ANO6: variants seen among roughly 807,000 people sequenced by gnomAD.
The protein encoded by ANO6 is anoctamin-6.
A neutral mutation model predicts 117.5 loss-of-function variants in ANO6; 106 were observed. The observed-to-expected ratio is 0.90, with a 90% CI of 0.77 to 1.06. ANO6 has a LOEUF of 1.06. ANO6 is among the 50% of genes least tolerant of loss of function. The probability of loss-of-function intolerance (pLI) is 0.00; values close to 1 mark genes in which losing one functional copy is unlikely to be tolerated. For missense variants in ANO6, 955 were observed against 1,121.1 expected (o/e 0.85, Z 2.12); for synonymous variants, 367 against 385.1 (o/e 0.95, Z 0.55).
chr12:45,331,401 AG>A lies in ANO6; in HGVS notation c.260del (p.Gly87ValfsTer24). 1.2e-6 allele frequency: 2 copies of A among 1,606,508 alleles called. No individual in the cohort carries two copies. Among genetic ancestry groups the A allele is most frequent in the Non-Finnish European group, 1.7e-6 (2 of 1,176,096 alleles). On this transcript the variant is annotated frameshift_variant, in exon 3 of 20. Coordinates refer to ENST00000320560, the MANE Select transcript of ANO6 (RefSeq NM_001025356.3). LOFTEE classifies it high-confidence loss of function. ...GAAAGCAGAAAAGAGACCAATAAAA[AG>A]GGTACAAATGAAAAACAAAGGGTAA... ...EDESRKETNKKGTNEKQRRKR... is the reference protein window; with the variant it reads ...EDESRKETNKXGTNEKQRRKR...
At chr12:45,250,231 T>G (rs907122993) in intron 1 of ANO6, among the ~76,000 whole-genome samples, 2 of 152,182 alleles carry the variant, frequency 1.3e-5, no homozygotes, top group Non-Finnish European at 2.9e-5. Flanking sequence ...GAGGTGACAT[T>G]TCAGACAGGT....
intron 19 of ANO6, among the ~76,000 whole-genome samples, chr12:45,437,828 C>A (rs1467471456): frequency 2.0e-5 from 3 of 152,126 alleles, no homozygotes; most frequent in African/African-American, 7.2e-5. Flanking sequence ...CCTTGCCTCC[C>A]AAAGTGTTAG....
intron 17 of ANO6, among the ~76,000 whole-genome samples, chr12:45,417,724 C>T (rs1355594435): frequency 2.0e-5 from 3 of 152,192 alleles, no homozygotes; most frequent in Admixed American, 6.5e-5. Flanking sequence ...CAGTCTCACT[C>T]CCAGGTGAAC....
rs560829764 is a variant in ANO6 at position 45,248,492 on chromosome 12, G to A, written c.70+32101G>A. ...TCTGTCGCCCAGGCTGGAGTGGAGT[G>A]GCATGATCTCGGTTCATTGCAACCT... On this transcript the variant is annotated intron_variant, in intron 1 of 19. Transcript: ENST00000320560. 4.6e-4 allele frequency among the ~76,000 whole-genome samples: 69 copies of A among 148,516 alleles called. 1 individual carries two copies. The highest frequency in any genetic ancestry group is 1.7e-3 in the African/African-American group (66 of 39,688).
At chr12:45,299,942 A>G (rs1200245707) in intron 1 of ANO6, among the ~76,000 whole-genome samples, 1 of 152,172 alleles carries the variant, frequency 6.6e-6, no homozygotes, top group African/African-American at 2.4e-5. Context: ...TGGTAACTGA[A>G]TTGGCTAAAT....
At chr12:45,424,327 GTTTTTTTTTTTT>G (rs66945216) in intron 19 of ANO6, among the ~76,000 whole-genome samples, 2 of 81,240 alleles carry the variant, frequency 2.5e-5, no homozygotes, top group African/African-American at 4.9e-5. Context: ...TAGGTGATGG[GTTTTTTTTTTTT>G]TTTTTTTTTT....
chr12:45,435,679 G>C (rs1943699338), downstream of ANO6, among the ~76,000 whole-genome samples: 1 of 151,116 alleles, frequency 6.6e-6, no homozygotes. Context: ...AATTAGGCTG[G>C]ACAAGTACAT....
At chr12:45,221,004 C>T (rs903699788) in intron 1 of ANO6, among the ~76,000 whole-genome samples, 31 of 151,536 alleles carry the variant, frequency 2.0e-4, no homozygotes, top group Non-Finnish European at 4.4e-4. Flanking sequence ...AATTTGTAGC[C>T]GGTGGGTCAG....
intron 1 of ANO6, among the ~76,000 whole-genome samples, chr12:45,234,677 A>T (rs554690694): frequency 3.9e-5 from 6 of 152,296 alleles, no homozygotes; most frequent in Non-Finnish European, 8.8e-5. Flanking sequence ...GCCTGAGTTA[A>T]AACAGGCTTT....
chr12:45,315,620 G>A (rs1479375182), intron 2 of ANO6, among the ~76,000 whole-genome samples: 1 of 151,930 alleles, frequency 6.6e-6, no homozygotes, highest in Non-Finnish European at 1.5e-5. Context: ...CAGCTTCCAT[G>A]ATGAGCTCTG....
downstream of ANO6, among the ~76,000 whole-genome samples, chr12:45,434,191 CTG>C (rs1184891128): frequency 2.0e-5 from 3 of 152,330 alleles, no homozygotes; most frequent in Non-Finnish European, 4.4e-5. Flanking sequence ...AGCAAGTAGA[CTG>C]TGATTCCTAA....
downstream of ANO6, among the ~76,000 whole-genome samples, chr12:45,433,053 C>G (rs549308064): frequency 2.0e-5 from 3 of 152,312 alleles, 1 homozygote; most frequent in African/African-American, 7.2e-5. Flanking sequence ...CCCAATATGA[C>G]CAGGACTTGA....
rs747156509 is a variant in ANO6 at position 45,302,080 on chromosome 12, G to A, written c.137G>A (p.Arg46Gln). Residue 46 changes from arginine to glutamine, a missense_variant, in exon 2 of 20, where the codon CGA becomes CAA. Transcript: ENST00000320560. ...LGSLESQHDF[R>Q]TPEFEEFNGK... ...TCACTGGAAAGTCAGCATGATTTTC[G>A]AACCCCGGAGTTTGTGAGTACTATT... is the stretch of plus-strand genomic sequence containing the variant. The A allele has an allele frequency of 2.0e-5, 32 of 1,613,748 alleles. No homozygotes were observed. The highest frequency in any genetic ancestry group is 1.6e-4 in the South Asian group (15 of 91,096).
intron 2 of ANO6, among the ~76,000 whole-genome samples, chr12:45,307,425 G>A (rs1036137046): frequency 3.3e-5 from 5 of 152,174 alleles, no homozygotes; most frequent in Non-Finnish European, 7.4e-5. Context: ...AGAAAGAGCA[G>A]TCAAGGAATG....
At chr12:45,427,060 C>T (rs1181395807) in intron 19 of ANO6, among the ~76,000 whole-genome samples, 2 of 152,056 alleles carry the variant, frequency 1.3e-5, no homozygotes, top group Admixed American at 6.6e-5. Flanking sequence ...CAGTATTTCC[C>T]TCTTGATTAT....
At chr12:45,222,522 T>A (rs1240975970) in intron 1 of ANO6, among the ~76,000 whole-genome samples, 3 of 152,158 alleles carry the variant, frequency 2.0e-5, no homozygotes, top group African/African-American at 7.2e-5. Context: ...CCCTGTGATA[T>A]TATGACACAT....
chr12:45,219,912 G>A (rs1947370857), intron 1 of ANO6, among the ~76,000 whole-genome samples: 1 of 152,180 alleles, frequency 6.6e-6, no homozygotes, highest in Non-Finnish European at 1.5e-5. Flanking sequence ...TGAAGCCCCT[G>A]TTGTGCTGGT....
chr12:45,389,034 C>A (rs934532943), intron 11 of ANO6, among the ~76,000 whole-genome samples: 1 of 152,180 alleles, frequency 6.6e-6, no homozygotes, highest in South Asian at 2.1e-4. Context: ...ATTGTACTTG[C>A]AGTCATCAGC....
Position 45,367,771 on chromosome 12 carries a change from A to G in ANO6, c.1082A>G (p.Asn361Ser), listed in dbSNP as rs143099169. 76 of 1,613,494 alleles carry G rather than the reference A, an allele frequency of 4.7e-5. No homozygotes were observed. Among genetic ancestry groups the G allele is most frequent in the South Asian group, 2.0e-4 (18 of 91,070 alleles). Residue 361 changes from asparagine to serine, a missense_variant, in exon 9 of 20, where the codon AAT becomes AGT. Asn to Ser is a conservative substitution (Grantham distance 46, BLOSUM62 1). Transcript: ENST00000320560. ...AGGCTTTGTCCATTCTGGAAACTCAATATTACTTGCGAGTCCTCAAAGGTA... is the reference window on the plus strand; with the variant it reads ...AGGCTTTGTCCATTCTGGAAACTCAGTATTACTTGCGAGTCCTCAAAGGTA... ...CDRLCPFWKL[N>S]ITCESSKKLC... is the part of the protein sequence containing the mutation.
Sources: gnomAD v4.1 joint callset for allele counts (sites outside exome capture counted in the v4.1 genomes callset) on GRCh38, gnomAD v4.1.1 for gene constraint, MANE v1.5 for transcripts, NCBI Gene and HGNC (gene_info 2026-07-23, HGNC 2026-07-21) for gene names.